The following TMEM132D variants were observed in gnomAD, a reference collection of about 807,000 sequenced individuals.
TMEM132D encodes the protein transmembrane protein 132D, also known as mature OL transmembrane protein.
In TMEM132D, 21 loss-of-function variants were observed where a neutral mutation model predicts 62.3. The observed-to-expected ratio is 0.34, with a 90% CI of 0.24 to 0.49. The LOEUF (loss-of-function observed/expected upper bound fraction) is 0.49. Among genes scored for constraint, TMEM132D ranks in the 20% least tolerant of loss-of-function variants. TMEM132D has a pLI of 0.99. For missense variants in TMEM132D, 1,346 were observed against 1,402.8 expected (o/e 0.96, Z 0.65); for synonymous variants, 621 against 575.6 (o/e 1.08, Z -1.13).
At chr12:129,801,252 C>A (rs1011624065) in intron 1 of TMEM132D, among the ~76,000 whole-genome samples, 1 of 152,210 alleles carries the variant, frequency 6.6e-6, no homozygotes, top group Non-Finnish European at 1.5e-5. Context: ...CTGTAGGCTC[C>A]ACCTCTGGGG....
intron 3 of TMEM132D, among the ~76,000 whole-genome samples, chr12:129,522,092 T>C (rs1481995611): frequency 1.3e-5 from 2 of 152,188 alleles, no homozygotes; most frequent in Non-Finnish European, 2.9e-5. Flanking sequence ...TATGCCCGTA[T>C]TGCCAGTTTC....
intron 5 of TMEM132D, among the ~76,000 whole-genome samples, chr12:129,120,025 A>G (rs571351685): frequency 5.3e-5 from 8 of 152,130 alleles, no homozygotes; most frequent in Non-Finnish European, 1.0e-4. Context: ...GGGCAAGAGC[A>G]GAGAAATAAT....
At chr12:129,765,721 G>T (rs1356908255) in intron 1 of TMEM132D, among the ~76,000 whole-genome samples, 4 of 152,006 alleles carry the variant, frequency 2.6e-5, no homozygotes, top group Admixed American at 2.6e-4. Flanking sequence ...ATCTATACTT[G>T]TACCTGTTCT....
intron 3 of TMEM132D, among the ~76,000 whole-genome samples, chr12:129,464,629 A>G (rs997361089): frequency 1.3e-4 from 20 of 152,182 alleles, no homozygotes; most frequent in African/African-American, 4.3e-4. Context: ...TCTTTAATCC[A>G]TCTTGAATTA....
chr12:129,590,287 G>A (rs1878152671), intron 2 of TMEM132D, among the ~76,000 whole-genome samples: 1 of 152,076 alleles, frequency 6.6e-6, no homozygotes, highest in African/African-American at 2.4e-5. Flanking sequence ...GACACAAAGG[G>A]CCACCACGTC....
intron 1 of TMEM132D, among the ~76,000 whole-genome samples, chr12:129,818,522 TG>T (rs1872444800): frequency 6.6e-6 from 1 of 150,986 alleles, no homozygotes; most frequent in African/African-American, 2.4e-5. Context: ...CGCATCTGTG[TG>T]TATGTGGTTT....
chr12:129,776,905 C>A (rs1870952613), intron 1 of TMEM132D, among the ~76,000 whole-genome samples: 1 of 151,952 alleles, frequency 6.6e-6, no homozygotes. Flanking sequence ...ATATCTACAC[C>A]TTTGGGTAGG....
At chr12:129,419,302 G>A (rs553585458) in intron 3 of TMEM132D, among the ~76,000 whole-genome samples, 4 of 152,216 alleles carry the variant, frequency 2.6e-5, no homozygotes, top group South Asian at 2.1e-4. Flanking sequence ...GTTCAGAAAC[G>A]GGAATGTGAC....
At chr12:129,629,089 C>T (rs1229374689) in intron 2 of TMEM132D, among the ~76,000 whole-genome samples, 1 of 152,052 alleles carries the variant, frequency 6.6e-6, no homozygotes, top group Non-Finnish European at 1.5e-5. Flanking sequence ...CAAGACTTAC[C>T]CACCTTCGTG....
intron 4 of TMEM132D, among the ~76,000 whole-genome samples, chr12:129,215,834 G>A (rs899296555): frequency 6.6e-6 from 1 of 152,214 alleles, no homozygotes; most frequent in Admixed American, 6.5e-5. Context: ...ACAAAGGCAT[G>A]TCTTACATGG....
intron 5 of TMEM132D, among the ~76,000 whole-genome samples, chr12:129,173,629 C>T (rs1877801531): frequency 6.6e-6 from 1 of 152,206 alleles, no homozygotes; most frequent in South Asian, 2.1e-4. Context: ...AATTCTAGCA[C>T]CTTCTCCTTC....
chr12:129,705,343 T>TA (rs1246490895), intron 1 of TMEM132D, among the ~76,000 whole-genome samples: 1 of 152,172 alleles, frequency 6.6e-6, no homozygotes, highest in African/African-American at 2.4e-5. Flanking sequence ...TAGGTATTTC[T>TA]AAAAAACACA....
At chr12:129,752,288 T>C (rs1870024448) in intron 1 of TMEM132D, among the ~76,000 whole-genome samples, 1 of 152,158 alleles carries the variant, frequency 6.6e-6, no homozygotes, top group Non-Finnish European at 1.5e-5. Flanking sequence ...GGAATATAAC[T>C]GAAAACATAC....
intron 4 of TMEM132D, among the ~76,000 whole-genome samples, chr12:129,282,321 TG>T (rs1881179844): frequency 1.3e-5 from 2 of 152,120 alleles, no homozygotes; most frequent in South Asian, 4.1e-4. Flanking sequence ...AGAGCCCGGT[TG>T]CTGACAAGGC....
At chr12:129,713,811 C>T (rs1217841074) in intron 1 of TMEM132D, among the ~76,000 whole-genome samples, 1 of 152,202 alleles carries the variant, frequency 6.6e-6, no homozygotes, top group Non-Finnish European at 1.5e-5. Flanking sequence ...GGCCCCACCC[C>T]CAGAGCTTCT....
intron 3 of TMEM132D, among the ~76,000 whole-genome samples, chr12:129,426,786 C>A (rs921633801): frequency 6.6e-5 from 10 of 152,318 alleles, no homozygotes; most frequent in African/African-American, 2.2e-4. Context: ...AAGAGGAAAA[C>A]CGAGGCACAG....
chr12:129,824,083 G>A (rs755688759), intron 1 of TMEM132D, among the ~76,000 whole-genome samples: 9 of 152,058 alleles, frequency 5.9e-5, no homozygotes, highest in African/African-American at 9.7e-5. Context: ...GGCACAGAGC[G>A]CGGTGTCCAA....
chr12:129,865,693 G>T (rs768099143), intron 1 of TMEM132D, among the ~76,000 whole-genome samples: 1 of 152,200 alleles, frequency 6.6e-6, no homozygotes, highest in South Asian at 2.1e-4. Flanking sequence ...TATACTGAAC[G>T]CATCGCAACT....
intron 4 of TMEM132D, among the ~76,000 whole-genome samples, chr12:129,220,357 GA>G (rs1879316218): frequency 6.6e-6 from 1 of 152,170 alleles, no homozygotes; most frequent in African/African-American, 2.4e-5. Flanking sequence ...CGTTGGAAAC[GA>G]AATCTCACAC....
Sources: gnomAD v4.1 joint callset for allele counts (sites outside exome capture counted in the v4.1 genomes callset) on GRCh38, gnomAD v4.1.1 for gene constraint, MANE v1.5 for transcripts, NCBI Gene and HGNC (gene_info 2026-07-23, HGNC 2026-07-21) for gene names.